SYNE2: variants seen among roughly 807,000 people sequenced by gnomAD.
The protein encoded by SYNE2 is spectrin repeat containing nuclear envelope protein 2, also known as nesprin-2.
A neutral mutation model predicts 856.3 loss-of-function variants in SYNE2; 431 were observed. The ratio of observed to expected loss-of-function variants is 0.50; its 90% confidence interval spans 0.47 to 0.55. The LOEUF (loss-of-function observed/expected upper bound fraction) is 0.55, where lower values mean the gene tolerates loss of function less well. SYNE2 is among the 20% of genes least tolerant of loss of function. SYNE2 has a pLI of 0.00. For synonymous variants in SYNE2, 2,923 were observed against 2,872.3 expected (o/e 1.02, Z -0.56); for missense variants, 8,129 against 8,023.2 (o/e 1.01, Z -0.50).
intron 2 of SYNE2, among the ~76,000 whole-genome samples, chr14:63,933,124 T>A (rs1458973840): frequency 6.6e-6 from 1 of 152,158 alleles, no homozygotes; most frequent in Non-Finnish European, 1.5e-5. Flanking sequence ...AGAGAAATTC[T>A]TTGATGAGAA....
chr14:63,778,051 G>A (rs558714323), intron 1 of SYNE2, among the ~76,000 whole-genome samples: 1 of 152,258 alleles, frequency 6.6e-6, no homozygotes, highest in African/African-American at 2.4e-5. Flanking sequence ...ATATGGTTAG[G>A]CTTTATGTCA....
intron 57 of SYNE2, chr14:64,084,989 C>A (rs1306515100): frequency 1.4e-6 from 1 of 702,378 alleles, no homozygotes; most frequent in South Asian, 1.5e-5. Context: ...CTCCAGGAGT[C>A]TGCCTCACAC....
In SYNE2 at chr14:64,186,595, G is replaced by A. The variant is rs1319939164; in HGVS notation, c.17712+16G>A. On this transcript the variant is annotated intron_variant, in intron 97 of 115. Coordinates refer to ENST00000555002, the MANE Select transcript of SYNE2 (RefSeq NM_182914.3). ...CTGCTTAAGGGTAAGTCAGCTCACT[G>A]CAGGGCACGGCTGTTTGGGAGTGGA... 1.1e-5 allele frequency: 18 copies of A among 1,614,072 alleles called. No individual in the cohort carries two copies. The highest frequency in any genetic ancestry group is 1.4e-5 in the Non-Finnish European group (17 of 1,179,994).
intron 21 of SYNE2, among the ~76,000 whole-genome samples, chr14:63,993,234 G>A (rs1023283267): frequency 1.1e-4 from 17 of 152,122 alleles, no homozygotes; most frequent in Non-Finnish European, 4.4e-5. Flanking sequence ...TATAAATTTT[G>A]TCTTGGCCAG....
At chr14:63,880,883 G>C (rs2094845616) in intron 1 of SYNE2, among the ~76,000 whole-genome samples, 1 of 150,284 alleles carries the variant, frequency 6.7e-6, no homozygotes. Context: ...GTCTTGCTCT[G>C]TCGCCCAGGC....
At chr14:63,893,334 G>T (rs1036354954) in intron 1 of SYNE2, among the ~76,000 whole-genome samples, 11 of 152,162 alleles carry the variant, frequency 7.2e-5, no homozygotes, top group African/African-American at 2.7e-4. Context: ...CAAAGCAGTC[G>T]GATCACTTGA....
intron 1 of SYNE2, among the ~76,000 whole-genome samples, chr14:63,901,649 C>T (rs1374264353): frequency 1.3e-5 from 2 of 152,158 alleles, no homozygotes; most frequent in African/African-American, 2.4e-5. Flanking sequence ...TGTCAGCTGG[C>T]TGCAATTGCT....
At position 64,183,211 on chromosome 14, in the gene SYNE2, C is replaced by T. The variant is rs1378791998; in HGVS notation, c.17557-3213C>T. ...CTCACTTCCCGGACGTGGCAGCTGC[C>T]GGGCGGAGGGGCTCCTCACTTCTCA... On this transcript the variant is annotated intron_variant, in intron 96 of 115. Transcript: ENST00000555002. Among the ~76,000 whole-genome samples, 55 of 139,708 alleles carry T rather than the reference C, an allele frequency of 3.9e-4. 2 individuals carry two copies. In the South Asian group the frequency reaches 0.012, roughly 31 times the overall value. 91.7% of individuals were successfully genotyped at this position (139,708 alleles called of 152,430 possible).
chr14:63,973,585 T>C (rs1462674840), intron 11 of SYNE2, among the ~76,000 whole-genome samples: 1 of 140,286 alleles, frequency 7.1e-6, no homozygotes, highest in Non-Finnish European at 1.5e-5. Context: ...TGAGCCAAGA[T>C]TGCAGCACTA....
intron 49 of SYNE2, among the ~76,000 whole-genome samples, chr14:64,060,900 G>T (rs2097311599): frequency 6.6e-6 from 1 of 152,122 alleles, no homozygotes; most frequent in Non-Finnish European, 1.5e-5. Context: ...TTTGTCCTAT[G>T]TTGGCAGCAC....
chr14:64,212,223 A>G (rs2098645386), intron 104 of SYNE2, 125 bp downstream of exon 104: 4 of 1,467,732 alleles, frequency 2.7e-6, no homozygotes, highest in African/African-American at 1.4e-5. Flanking sequence ...CAGCCAGGCT[A>G]CATCCCACCT....
chr14:63,948,782 G>GTATATATATATATATA (rs3062027), intron 6 of SYNE2, among the ~76,000 whole-genome samples: 2 of 43,906 alleles, frequency 4.6e-5, no homozygotes, highest in South Asian at 7.8e-4. Context: ...ATGTGTGTGT[G>GTATATATATATATATA]TATATATATA....
Position 63,918,324 on chromosome 14 carries a change from A to G in SYNE2, c.79+9097A>G, listed in dbSNP as rs570028734. ...GTTCAAAACATTATTTCCCTTATCT[A>G]ATTTCAACATTGGTGATTATAGTTT... On this transcript the variant is annotated intron_variant, in intron 2 of 115. Transcript: ENST00000555002. Among the ~76,000 whole-genome samples the G allele has an allele frequency of 2.0e-5, 3 of 152,198 alleles. No homozygotes were observed. In the East Asian group the frequency reaches 5.8e-4, roughly 29 times the overall value.
intron 1 of SYNE2, among the ~76,000 whole-genome samples, chr14:63,885,208 T>C (rs527294963): frequency 6.6e-6 from 1 of 152,300 alleles, no homozygotes; most frequent in African/African-American, 2.4e-5. Flanking sequence ...CTGAGAGCCA[T>C]GTTACCTCCA....
At chr14:64,027,045 C>T (rs1483182157) in intron 42 of SYNE2, among the ~76,000 whole-genome samples, 2 of 152,116 alleles carry the variant, frequency 1.3e-5, no homozygotes, top group African/African-American at 2.4e-5. Flanking sequence ...ATCATGTCTA[C>T]AATGGTACAT....
rs144014542 is a variant in SYNE2, at chr14:64,085,208, G to C, written c.11485-2463G>C. Among the ~76,000 whole-genome samples the C allele has an allele frequency of 3.2e-3, 492 of 152,240 alleles. 1 individual carries two copies. The highest frequency in any genetic ancestry group is 0.011 in the African/African-American group (471 of 41,532). On this transcript the variant is annotated intron_variant, in intron 57 of 115. Coordinates refer to ENST00000555002, the MANE Select transcript of SYNE2 (RefSeq NM_182914.3). ...CCACCTTAGCCTCCCAGGTAGTTGG[G>C]ACTACAGGCGCACACAACCATGCCT...
At chr14:63,799,854 G>T (rs1000632868) in intron 1 of SYNE2, among the ~76,000 whole-genome samples, 3 of 152,036 alleles carry the variant, frequency 2.0e-5, no homozygotes, top group Non-Finnish European at 4.4e-5. Context: ...AATTCTTTTA[G>T]CCCTGGGATG....
rs759606978 is a variant in SYNE2, at chr14:64,220,604, A to G, written c.20028A>G (p.Arg6676=). The change falls in exon 111 of 116, where the codon AGA becomes AGG. Residue 6676 remains arginine, a synonymous_variant. Transcript: ENST00000555002. ...EAAQGAVDSW[R]GGLRQSLMQC... is the part of the protein sequence containing the mutation. ...CACAGGGCGCAGTGGACAGCTGGAG[A>G]GGGGGCTTACGACAGTCGCTCATGC... is the stretch of plus-strand genomic sequence containing the variant. 43 of 1,613,936 alleles carry G rather than the reference A, an allele frequency of 2.7e-5. No homozygotes were observed. Among genetic ancestry groups the G allele is most frequent in the Admixed American group, 6.7e-5 (4 of 59,982 alleles).
At chr14:63,912,041 G>A (rs552852377) in intron 2 of SYNE2, among the ~76,000 whole-genome samples, 33 of 152,276 alleles carry the variant, frequency 2.2e-4, no homozygotes, top group African/African-American at 7.7e-4. Flanking sequence ...GTCTTAGGGG[G>A]ACTGGTAGAA....
Sources: allele counts gnomAD v4.1 joint callset (sites outside exome capture counted in the v4.1 genomes callset), GRCh38; gene constraint gnomAD v4.1.1; transcripts MANE v1.5; gene names NCBI Gene and HGNC (gene_info 2026-07-23, HGNC 2026-07-21).